The following LIPG variants were observed in gnomAD, a reference collection of about 807,000 sequenced individuals.
LIPG encodes the protein endothelial lipase.
In LIPG, 34 loss-of-function variants were observed where a neutral mutation model predicts 51.8. That is an observed-to-expected ratio of 0.66 (90% CI 0.50 to 0.87). LIPG has a LOEUF of 0.87. Among genes scored for constraint, LIPG ranks in the 40% least tolerant of loss-of-function variants. The pLI is 0.00. For missense variants in LIPG, 580 were observed against 652.7 expected (o/e 0.89, Z 1.21); for synonymous variants, 246 against 246.1 (o/e 1.00, Z 0.00).
chr18:49,563,433 G>A (rs1412504812), intron 1 of LIPG, among the ~76,000 whole-genome samples: 1 of 152,052 alleles, frequency 6.6e-6, no homozygotes, highest in Non-Finnish European at 1.5e-5. Flanking sequence ...ATTGCAAAAA[G>A]TATTTACTGC....
chr18:49,595,884 A>T lies in LIPG; in HGVS notation c.*5362A>T, dbSNP rs2084979885. 1 of 152,200 alleles carries T rather than the reference A, an allele frequency of 6.6e-6. No homozygotes were observed. The highest frequency in any genetic ancestry group is 1.5e-5 in the Non-Finnish European group (1 of 68,030). 9.4% of individuals were successfully genotyped at this position (152,200 alleles called of 1,614,324 possible). On this transcript the variant is annotated 3_prime_UTR_variant, in exon 10 of 10. Transcript: ENST00000261292. Reference sequence around the variant, plus strand: ...AAATCCTTTCCACATATATGCGGAAATTTTATGTATGATAAAAGGGGCCTA... The same window carrying T: ...AAATCCTTTCCACATATATGCGGAATTTTTATGTATGATAAAAGGGGCCTA...
intron 4 of LIPG, 41 bp downstream of exon 4, chr18:49,569,589 G>A (rs1327443961): frequency 6.0e-6 from 9 of 1,496,696 alleles, no homozygotes; most frequent in East Asian, 2.3e-5. Flanking sequence ...CCTCAGCTGC[G>A]CTAAGCCGGA....
rs2084557594 is a variant in LIPG, at chr18:49,562,240, G to T, written c.-69G>T. 2 of 1,610,710 alleles carry T rather than the reference G, an allele frequency of 1.2e-6. No individual in the cohort carries two copies. Among genetic ancestry groups the T allele is most frequent in the South Asian group, 1.1e-5 (1 of 90,858 alleles). On this transcript the variant is annotated 5_prime_UTR_variant, in exon 1 of 10. Coordinates refer to ENST00000261292, the MANE Select transcript of LIPG (RefSeq NM_006033.4). ...AAGGGTCTTACCGGCCGGGATTGCT[G>T]GAAACACCAAGAGGTGGTTTTTGTT...
At chr18:49,570,589 G>A (rs2084651748) in intron 4 of LIPG, among the ~76,000 whole-genome samples, 1 of 152,170 alleles carries the variant, frequency 6.6e-6, no homozygotes, top group African/African-American at 2.4e-5. Flanking sequence ...CCAGCACTTT[G>A]GGAGGCCGAG....
At chr18:49,583,507 A>G (rs1425992826) in intron 7 of LIPG, 49 bp from the exon 8 acceptor site, 10 of 1,524,656 alleles carry the variant, frequency 6.6e-6, no homozygotes, top group Non-Finnish European at 8.2e-6. Flanking sequence ...ACAGTGTGGC[A>G]GTTTTCCAGC....
Position 49,597,042 on chromosome 18 carries a change from C to G in LIPG, c.*6520C>G, listed in dbSNP as rs1390501992. The G allele has an allele frequency of 6.6e-6, 1 of 152,208 alleles. No homozygotes were observed. Among genetic ancestry groups the G allele is most frequent in the African/African-American group, 2.4e-5 (1 of 41,438 alleles). The allele number at this position is 152,208 out of a possible 1,614,324, so 9.4% of individuals were successfully genotyped here. ...AAGACGTTTGTTAATCCAAATTAATCTTTGATTTGCATGGAGGCAGTAGGT... is the reference window on the plus strand; with the variant it reads ...AAGACGTTTGTTAATCCAAATTAATGTTTGATTTGCATGGAGGCAGTAGGT... On this transcript the variant is annotated 3_prime_UTR_variant, in exon 10 of 10. Coordinates refer to ENST00000261292, the MANE Select transcript of LIPG (RefSeq NM_006033.4).
At chr18:49,578,518 A>C (rs962214586) in intron 5 of LIPG, among the ~76,000 whole-genome samples, 4 of 143,258 alleles carry the variant, frequency 2.8e-5, no homozygotes, top group African/African-American at 5.4e-5. Flanking sequence ...GGCCGGGCGG[A>C]GACGCTCCTC....
At position 49,565,245 on chromosome 18, in the gene LIPG, C is replaced by T. The variant is rs1274893053; in HGVS notation, c.98-72C>T. The T allele has an allele frequency of 8.0e-6, 12 of 1,496,168 alleles. No individual in the cohort carries two copies. The Admixed American group carries it at 1.7e-4, about 22-fold the overall frequency. The allele number at this position is 1,496,168 out of a possible 1,614,324, so 92.7% of individuals were successfully genotyped here. A position where few individuals can be genotyped will look rare whatever the true frequency, so the allele number is the denominator to read the frequency against. On this transcript the variant is annotated intron_variant, in intron 1 of 9. Coordinates refer to ENST00000261292, the MANE Select transcript of LIPG (RefSeq NM_006033.4). ...CTTAAGCAAATTGCTCACGATTGAACTAGAATCAGACCCCAGGTCTCTCAC... is the reference window on the plus strand; with the variant it reads ...CTTAAGCAAATTGCTCACGATTGAATTAGAATCAGACCCCAGGTCTCTCAC...
intron 7 of LIPG, among the ~76,000 whole-genome samples, 196 bp from the exon 8 acceptor site, chr18:49,583,360 G>A (rs775267146): frequency 2.0e-5 from 3 of 152,130 alleles, no homozygotes; most frequent in Non-Finnish European, 4.4e-5. Context: ...GGCAAAGTTA[G>A]TTTGGCCCAT....
chr18:49,578,568 A>G (rs1247833376), intron 5 of LIPG, among the ~76,000 whole-genome samples: 30 of 148,938 alleles, frequency 2.0e-4, no homozygotes, highest in Non-Finnish European at 3.9e-4. Flanking sequence ...GGCTCCTCAC[A>G]TCCCAGACGA....
chr18:49,569,549 G>A lies in LIPG; in HGVS notation c.571+1G>A, dbSNP rs2084642124. ...AAAGGAACGGTGGGCCGAATCACAG[G>A]TGAGCTCCACTTCCATCACTAAAGG... On this transcript the variant is annotated splice_donor_variant, in intron 4 of 9. Coordinates refer to ENST00000261292, the MANE Select transcript of LIPG (RefSeq NM_006033.4). LOFTEE classifies it high-confidence loss of function. 1.2e-6 allele frequency: 2 copies of A among 1,612,058 alleles called. No individual in the cohort carries two copies.
chr18:49,566,637 C>T (rs986736974), intron 2 of LIPG, among the ~76,000 whole-genome samples: 6 of 152,064 alleles, frequency 3.9e-5, no homozygotes, highest in Admixed American at 6.6e-5. Flanking sequence ...ACAGATTTTC[C>T]CTACTCTGGG....
At chr18:49,574,383 C>A (rs982983654) in intron 4 of LIPG, among the ~76,000 whole-genome samples, 1 of 152,200 alleles carries the variant, frequency 6.6e-6, no homozygotes, top group Non-Finnish European at 1.5e-5. Context: ...GAATAAATAT[C>A]TATTTCTATG....
chr18:49,582,347 C>G lies in LIPG; in HGVS notation c.1037-15C>G. ...AGCAAGGGTTACAAGCATCTTTGTT[C>G]TGCTGTCACTGCAGTTTACCATTAT... On this transcript the variant is annotated splice_polypyrimidine_tract_variant and intron_variant, in intron 6 of 9. Transcript: ENST00000261292. The G allele has an allele frequency of 1.2e-6, 2 of 1,614,144 alleles. No individual in the cohort carries two copies. Among genetic ancestry groups the G allele is most frequent in the South Asian group, 2.2e-5 (2 of 91,066 alleles).
intron 8 of LIPG, among the ~76,000 whole-genome samples, chr18:49,585,703 G>A (rs1010831934): frequency 3.3e-5 from 5 of 152,208 alleles, no homozygotes; most frequent in Non-Finnish European, 4.4e-5. Flanking sequence ...TTGCTGGGTT[G>A]TAGTATATGC....
In LIPG at chr18:49,569,521, G is replaced by A. The variant is rs748426191; in HGVS notation, c.544G>A (p.Val182Met). The A allele has an allele frequency of 3.1e-6, 5 of 1,614,132 alleles. No individual in the cohort carries two copies. Among genetic ancestry groups the A allele is most frequent in the East Asian group, 2.2e-5 (1 of 44,880 alleles). ...AHVAGYAGNFVKGTVGRITGL... is the reference protein window; with the variant it reads ...AHVAGYAGNFMKGTVGRITGL... ...CGTGGCCGGGTATGCAGGCAACTTC[G>A]TGAAAGGAACGGTGGGCCGAATCAC... is the stretch of plus-strand genomic sequence containing the variant. The change falls in exon 4 of 10, where the codon GTG (valine) becomes ATG (methionine). Residue 182 changes from valine (V) to methionine (M), a missense_variant. Transcript: ENST00000261292.
intron 8 of LIPG, among the ~76,000 whole-genome samples, chr18:49,585,108 C>T (rs942220203): frequency 6.6e-6 from 1 of 152,200 alleles, no homozygotes; most frequent in African/African-American, 2.4e-5. Context: ...TTCATCCAGG[C>T]TGGAGTGCAG....
Position 49,581,801 on chromosome 18 carries a change from G to C in LIPG, c.1036+144G>C, listed in dbSNP as rs1045381489. 7 of 1,011,702 alleles carry C rather than the reference G, an allele frequency of 6.9e-6. No homozygotes were observed. The Admixed American group carries it at 1.3e-4, about 18-fold the overall frequency. The allele number at this position is 1,011,702 out of a possible 1,614,324, so 62.7% of individuals were successfully genotyped here. A position where few individuals can be genotyped will look rare whatever the true frequency, so the allele number is the denominator to read the frequency against. On this transcript the variant is annotated intron_variant, in intron 6 of 9. Transcript: ENST00000261292. Reference sequence around the variant, plus strand: ...ATCGTTGCAAATCAGATTACACTGTGCATGTCCTAGGAAAGGGAATCTTTA... The same window carrying C: ...ATCGTTGCAAATCAGATTACACTGTCCATGTCCTAGGAAAGGGAATCTTTA...
intron 5 of LIPG, among the ~76,000 whole-genome samples, chr18:49,577,972 C>A (rs1188445202): frequency 2.3e-5 from 3 of 131,560 alleles, no homozygotes; most frequent in East Asian, 4.6e-4. Context: ...GGGCAGGGGG[C>A]TGACCCCCCC....
Sources: gnomAD v4.1 joint callset for allele counts (sites outside exome capture counted in the v4.1 genomes callset) on GRCh38, gnomAD v4.1.1 for gene constraint, MANE v1.5 for transcripts, NCBI Gene and HGNC (gene_info 2026-07-23, HGNC 2026-07-21) for gene names.